Variants in FEM1A observed in about 807,000 individuals in gnomAD.
FEM1A encodes protein fem-1 homolog A.
FEM1A carries 1 observed loss-of-function variant against 0.7 expected under a neutral mutation model. The observed-to-expected ratio is 1.35, with a 90% confidence interval of 0.48 to 6.40. The LOEUF is 6.40. Ranked by LOEUF, FEM1A falls within the 30% of genes most tolerant of loss-of-function variation. The probability of loss-of-function intolerance (pLI) is 0.14; values close to 1 mark genes in which losing one functional copy is unlikely to be tolerated. For synonymous variants in FEM1A, 391 were observed against 420.6 expected (o/e 0.93, Z 0.86); for missense variants, 721 against 918.7 (o/e 0.78, Z 2.78).
At position 4,794,289 on chromosome 19, in the gene FEM1A, C is replaced by G; in HGVS notation, c.*425C>G. Reference sequence around the variant, plus strand: ...CTTTACCTGGCCAGATAACTCCAGCCGCTGAATACAGTGTTAGGACTGGGG... The same window carrying G: ...CTTTACCTGGCCAGATAACTCCAGCGGCTGAATACAGTGTTAGGACTGGGG... On this transcript the variant is annotated 3_prime_UTR_variant, in exon 1 of 1. Coordinates refer to ENST00000269856, the MANE Select transcript of FEM1A (RefSeq NM_018708.3). 1 of 225,970 alleles carries G rather than the reference C, an allele frequency of 4.4e-6. No homozygotes were observed. The highest frequency in any genetic ancestry group is 7.2e-5 in the South Asian group (1 of 13,966). The allele number at this position is 225,970 out of a possible 1,614,324, so 14.0% of individuals were successfully genotyped here.
rs1358229357 is a variant in FEM1A at position 4,800,598 on chromosome 19, A to G, written c.*6734A>G. Reference sequence around the variant, plus strand: ...CTGTCCCACGCCAGGTGGCCTGTAAATATGGGCTGAGCAAGCGAACAGTGA... The same window carrying G: ...CTGTCCCACGCCAGGTGGCCTGTAAGTATGGGCTGAGCAAGCGAACAGTGA... On this transcript the variant is annotated 3_prime_UTR_variant, in exon 1 of 1. Coordinates refer to ENST00000269856, the MANE Select transcript of FEM1A (RefSeq NM_018708.3). The G allele has an allele frequency of 2.6e-5, 4 of 152,372 alleles. No homozygotes were observed. The highest frequency in any genetic ancestry group is 4.4e-5 in the Non-Finnish European group (3 of 68,188). The allele number at this position is 152,372 out of a possible 1,614,324, so 9.4% of individuals were successfully genotyped here. A position where few individuals can be genotyped will look rare whatever the true frequency, so the allele number is the denominator to read the frequency against.
Position 4,794,218 on chromosome 19 carries a change from C to T in FEM1A, c.*354C>T, listed in dbSNP as rs1413649852. 5 of 283,194 alleles carry T rather than the reference C, an allele frequency of 1.8e-5. No homozygotes were observed. Among genetic ancestry groups the T allele is most frequent in the Non-Finnish European group, 2.9e-5 (4 of 137,264 alleles). The allele number at this position is 283,194 out of a possible 1,614,324, so 17.5% of individuals were successfully genotyped here. A position where few individuals can be genotyped will look rare whatever the true frequency, so the allele number is the denominator to read the frequency against. On this transcript the variant is annotated 3_prime_UTR_variant, in exon 1 of 1. Transcript: ENST00000269856. ...CTGAAGCCATTGCGTTCCTTCCCTG[C>T]TAGAAACACAGGAAGAAGTTGAGGA...
At position 4,792,721 on chromosome 19, in the gene FEM1A, C is replaced by G; in HGVS notation, c.867C>G (p.Cys289Trp). The G allele has an allele frequency of 6.2e-7, 1 of 1,612,076 alleles. No individual in the cohort carries two copies. The highest frequency in any genetic ancestry group is 2.2e-4 in the Middle Eastern group (1 of 4,470). Residue 289 changes from cysteine (C) to tryptophan (W), a missense_variant, in exon 1 of 1, where the codon TGC becomes TGG. Coordinates refer to ENST00000269856, the MANE Select transcript of FEM1A (RefSeq NM_018708.3). The surrounding 1 kb of genome is among the most constrained non-coding windows in gnomAD (Gnocchi z 6.7). ...EPLNGESYES[C>W]CPTSREAAVE... ...TGAACGGGGAATCTTACGAAAGCTG[C>G]TGTCCCACCAGCCGGGAAGCTGCCG... is the stretch of plus-strand genomic sequence containing the variant.
rs1174881082 is a variant in FEM1A at position 4,793,946 on chromosome 19, G to A, written c.*82G>A. 9.4e-6 allele frequency: 13 copies of A among 1,376,756 alleles called. No homozygotes were observed. The highest frequency in any genetic ancestry group is 7.3e-5 in the African/African-American group (5 of 68,958). 85.3% of individuals were successfully genotyped at this position (1,376,756 alleles called of 1,614,324 possible). ...TCCGGCTGCGGCATAGCAGATGCTC[G>A]TTCTTGCCTCCTTCAGGCACCAATC... On this transcript the variant is annotated 3_prime_UTR_variant, in exon 1 of 1. Transcript: ENST00000269856. The surrounding 1 kb of genome is among the most constrained non-coding windows in gnomAD (Gnocchi z 5.1).
At position 4,798,586 on chromosome 19, in the gene FEM1A, G is replaced by C. The variant is rs2093564445; in HGVS notation, c.*4722G>C. ...GATCGCACCACTGCACTCCAGCCTG[G>C]GCGACAGAGCACAAGACTCCATCTC... On this transcript the variant is annotated 3_prime_UTR_variant, in exon 1 of 1. Transcript: ENST00000269856. 2 of 151,606 alleles carry C rather than the reference G, an allele frequency of 1.3e-5. No individual in the cohort carries two copies. Among genetic ancestry groups the C allele is most frequent in the South Asian group, 2.1e-4 (1 of 4,800 alleles). The allele number at this position is 151,606 out of a possible 1,614,324, so 9.4% of individuals were successfully genotyped here. A position where few individuals can be genotyped will look rare whatever the true frequency, so the allele number is the denominator to read the frequency against.
rs1378987556 is a variant in FEM1A, at chr19:4,793,414, G to A, written c.1560G>A (p.Gln520=). 2.5e-6 allele frequency: 4 copies of A among 1,612,162 alleles called. No individual in the cohort carries two copies. Among genetic ancestry groups the A allele is most frequent in the Non-Finnish European group, 3.4e-6 (4 of 1,179,850 alleles). ...CTPSQEHLKH[Q]TVYRLLKCAP... is the part of the protein sequence containing the mutation. ...CCAGCCAGGAGCACCTGAAGCACCA[G>A]ACCGTCTACCGCCTGCTCAAGTGCG... is the stretch of plus-strand genomic sequence containing the variant. Residue 520 remains glutamine (Q), a synonymous_variant, in exon 1 of 1, where the codon CAG becomes CAA. Transcript: ENST00000269856. This position sits in a 1 kb window ranked among gnomAD's most constrained non-coding sequence, Gnocchi z 5.1.
chr19:4,799,931 A>AAAAAAAAAAAAAAAAC lies in FEM1A; in HGVS notation c.*6069_*6070insAAAAAAAAAAAAACAA, dbSNP rs2093566517. 6.9e-6 allele frequency: 1 copy of AAAAAAAAAAAAAAAAC among 145,526 alleles called. No individual in the cohort carries two copies. The highest frequency in any genetic ancestry group is 1.5e-5 in the Non-Finnish European group (1 of 66,652). The allele number at this position is 145,526 out of a possible 1,614,324, so 9.0% of individuals were successfully genotyped here. A position where few individuals can be genotyped will look rare whatever the true frequency, so the allele number is the denominator to read the frequency against. On this transcript the variant is annotated 3_prime_UTR_variant, in exon 1 of 1. Coordinates refer to ENST00000269856, the MANE Select transcript of FEM1A (RefSeq NM_018708.3). ...AAAAAAAAAAAAAAAAAAAAAAAAA[A>AAAAAAAAAAAAAAAAC]AATGGGGCCATCAATGCCATGGAGG...
Position 4,799,718 on chromosome 19 carries a change from A to G in FEM1A, c.*5854A>G, listed in dbSNP as rs2093565924. The G allele has an allele frequency of 6.6e-6, 1 of 152,010 alleles. No homozygotes were observed. The highest frequency in any genetic ancestry group is 2.4e-5 in the African/African-American group (1 of 41,472). The allele number at this position is 152,010 out of a possible 1,614,324, so 9.4% of individuals were successfully genotyped here. On this transcript the variant is annotated 3_prime_UTR_variant, in exon 1 of 1. Coordinates refer to ENST00000269856, the MANE Select transcript of FEM1A (RefSeq NM_018708.3). ...TCAGGAGATCAAGACCATCCTGGCT[A>G]ACACGGTGAAACCCCGTCTCTACTA...
Position 4,795,622 on chromosome 19 carries a change from C to T in FEM1A, c.*1758C>T, listed in dbSNP as rs1322199008. 1 of 166,670 alleles carries T rather than the reference C, an allele frequency of 6.0e-6. No homozygotes were observed. Among genetic ancestry groups the T allele is most frequent in the African/African-American group, 2.4e-5 (1 of 41,348 alleles). 10.3% of individuals were successfully genotyped at this position (166,670 alleles called of 1,614,324 possible). The stretch of plus-strand genomic sequence containing the variant: ...GGAAGTCGGAGGTGGGTGAGTCAGT[C>T]CATGGCATTGGTGTGAGTGAACAGA... On this transcript the variant is annotated 3_prime_UTR_variant, in exon 1 of 1. Coordinates refer to ENST00000269856, the MANE Select transcript of FEM1A (RefSeq NM_018708.3).
At position 4,792,686 on chromosome 19, in the gene FEM1A, G is replaced by A. The variant is rs754298414; in HGVS notation, c.832G>A (p.Glu278Lys). 46 of 1,612,076 alleles carry A rather than the reference G, an allele frequency of 2.9e-5. No individual in the cohort carries two copies. In the East Asian group the frequency reaches 1.0e-3, roughly 36 times the overall value. The change falls in exon 1 of 1, where the codon GAG (glutamate) becomes AAG (lysine). Residue 278 changes from glutamate (E) to lysine (K), a missense_variant. Coordinates refer to ENST00000269856, the MANE Select transcript of FEM1A (RefSeq NM_018708.3). The surrounding 1 kb of genome is among the most constrained non-coding windows in gnomAD (Gnocchi z 6.7). ...QGAPCCSSSP[E>K]EPLNGESYES... Reference sequence around the variant, plus strand: ...GGCTCCGTGCTGCAGCTCCTCCCCAGAGGAACCACTGAACGGGGAATCTTA... The same window carrying A: ...GGCTCCGTGCTGCAGCTCCTCCCCAAAGGAACCACTGAACGGGGAATCTTA...
Position 4,792,538 on chromosome 19 carries a change from C to T in FEM1A, c.684C>T (p.Thr228=). The T allele has an allele frequency of 6.2e-7, 1 of 1,602,170 alleles. No homozygotes were observed. The highest frequency in any genetic ancestry group is 8.5e-7 in the Non-Finnish European group (1 of 1,179,714). The change falls in exon 1 of 1, where the codon ACC becomes ACT. Residue 228 remains threonine, a synonymous_variant. Transcript: ENST00000269856. The surrounding 1 kb of genome is among the most constrained non-coding windows in gnomAD (Gnocchi z 6.7). ...PLLAASVTGH[T]NIVEYLIQEQ... ...TCGCGGCCAGCGTGACGGGCCACAC[C>T]AACATCGTGGAGTACCTCATCCAGG...
rs890309768 is a variant in FEM1A, at chr19:4,796,562, T to G, written c.*2698T>G. 5 of 152,300 alleles carry G rather than the reference T, an allele frequency of 3.3e-5. No homozygotes were observed. The highest frequency in any genetic ancestry group is 1.2e-4 in the African/African-American group (5 of 41,546). 9.4% of individuals were successfully genotyped at this position (152,300 alleles called of 1,614,324 possible). ...ACTTGTTCCATTCTAAAATTCTGGTTTTCTCCATATCAGAACAGTCAAACC... is the reference window on the plus strand; with the variant it reads ...ACTTGTTCCATTCTAAAATTCTGGTGTTCTCCATATCAGAACAGTCAAACC... On this transcript the variant is annotated 3_prime_UTR_variant, in exon 1 of 1. Coordinates refer to ENST00000269856, the MANE Select transcript of FEM1A (RefSeq NM_018708.3).
chr19:4,793,363 C>T lies in FEM1A; in HGVS notation c.1509C>T (p.Tyr503=). The T allele has an allele frequency of 1.2e-6, 2 of 1,612,380 alleles. No homozygotes were observed. Among genetic ancestry groups the T allele is most frequent in the South Asian group, 1.1e-5 (1 of 91,030 alleles). ...TGGCCATCATCCTCCACCTGCTCTA[C>T]CTGCTGGAGAAAGTGGAGTGCACCC... is the stretch of plus-strand genomic sequence containing the variant. ...KALAIILHLL[Y]LLEKVECTPS... Residue 503 remains tyrosine, a synonymous_variant, in exon 1 of 1, where the codon TAC becomes TAT. Transcript: ENST00000269856. This position sits in a 1 kb window ranked among gnomAD's most constrained non-coding sequence, Gnocchi z 5.1.
Position 4,799,617 on chromosome 19 carries a change from G to C in FEM1A, c.*5753G>C, listed in dbSNP as rs1280263255. 1 of 151,774 alleles carries C rather than the reference G, an allele frequency of 6.6e-6. No individual in the cohort carries two copies. Among genetic ancestry groups the C allele is most frequent in the Non-Finnish European group, 1.5e-5 (1 of 68,084 alleles). 9.4% of individuals were successfully genotyped at this position (151,774 alleles called of 1,614,324 possible). A position where few individuals can be genotyped will look rare whatever the true frequency, so the allele number is the denominator to read the frequency against. On this transcript the variant is annotated 3_prime_UTR_variant, in exon 1 of 1. Coordinates refer to ENST00000269856, the MANE Select transcript of FEM1A (RefSeq NM_018708.3). ...TGTAACTGGAGTTGCTGTAAAATGG[G>C]GCCATCTGGCTGGGTGCGGTGGCTC...
rs1889624860 is a variant in FEM1A at position 4,795,361 on chromosome 19, A to C, written c.*1497A>C. ...CAGAAATATCCTGTCCCTGGATGGA[A>C]ACTAGGTCTCGTTTGGATTTTTTTT... On this transcript the variant is annotated 3_prime_UTR_variant, in exon 1 of 1. Transcript: ENST00000269856. The C allele has an allele frequency of 6.2e-6, 1 of 162,400 alleles. No homozygotes were observed. The highest frequency in any genetic ancestry group is 2.1e-4 in the South Asian group (1 of 4,664). The allele number at this position is 162,400 out of a possible 1,614,324, so 10.1% of individuals were successfully genotyped here.
Position 4,794,168 on chromosome 19 carries a change from G to A in FEM1A, c.*304G>A. ...GTCTGCCTGGGTTAGGGAGGCCTTT[G>A]CCTTGTTACCTAGAGGCGGAGGGAC... is the stretch of plus-strand genomic sequence containing the variant. On this transcript the variant is annotated 3_prime_UTR_variant, in exon 1 of 1. Transcript: ENST00000269856. 2 of 385,412 alleles carry A rather than the reference G, an allele frequency of 5.2e-6. No individual in the cohort carries two copies. The highest frequency in any genetic ancestry group is 6.1e-5 in the South Asian group (2 of 32,592). The allele number at this position is 385,412 out of a possible 1,614,324, so 23.9% of individuals were successfully genotyped here.
rs752459773 is a variant in FEM1A, at chr19:4,792,226, C to A, written c.372C>A (p.Cys124Ter). ...RTNSTPLRAA[C>*]FDGHLEVVRY... ...ACTCCACGCCTCTCCGCGCCGCCTG[C>A]TTCGACGGCCACCTGGAGGTGGTGC... The change falls in exon 1 of 1, where the codon TGC becomes TGA. Residue 124 changes from cysteine (C) to a stop codon, truncating the protein, a stop_gained. Coordinates refer to ENST00000269856, the MANE Select transcript of FEM1A (RefSeq NM_018708.3). LOFTEE classifies it low-confidence loss of function (END_TRUNC). This position sits in a 1 kb window ranked among gnomAD's most constrained non-coding sequence, Gnocchi z 6.7. The A allele has an allele frequency of 1.9e-5, 28 of 1,506,862 alleles. No individual in the cohort carries two copies. In the South Asian group the frequency reaches 3.4e-4, roughly 19 times the overall value. 93.3% of individuals were successfully genotyped at this position (1,506,862 alleles called of 1,614,324 possible).
In FEM1A at chr19:4,792,111, C is replaced by T; in HGVS notation, c.257C>T (p.Pro86Leu). The change falls in exon 1 of 1, where the codon CCG becomes CTG. Residue 86 changes from proline (P) to leucine (L), a missense_variant. Pro to Leu is a moderately conservative substitution (Grantham distance 98, BLOSUM62 -3). Transcript: ENST00000269856. This position sits in a 1 kb window ranked among gnomAD's most constrained non-coding sequence, Gnocchi z 6.7. ...FDGETIEGAP[P>L]LWAASAAGHL... is the part of the protein sequence containing the mutation. Reference sequence around the variant, plus strand: ...GGCGAGACCATCGAGGGCGCGCCGCCGCTGTGGGCCGCCTCCGCAGCCGGC... The same window carrying T: ...GGCGAGACCATCGAGGGCGCGCCGCTGCTGTGGGCCGCCTCCGCAGCCGGC... The T allele has an allele frequency of 6.6e-7, 1 of 1,522,572 alleles. No homozygotes were observed. Among genetic ancestry groups the T allele is most frequent in the Admixed American group, 2.0e-5 (1 of 50,266 alleles). The allele number at this position is 1,522,572 out of a possible 1,614,324, so 94.3% of individuals were successfully genotyped here.
At position 4,800,198 on chromosome 19, in the gene FEM1A, G is replaced by A. The variant is rs1258144026; in HGVS notation, c.*6334G>A. On this transcript the variant is annotated 3_prime_UTR_variant, in exon 1 of 1. Transcript: ENST00000269856. ...AAAGTAGGAAAAACAGCCCTCTTAA[G>A]AGGAAGGCCATCTTAAAGCTCTACC... 2 of 152,282 alleles carry A rather than the reference G, an allele frequency of 1.3e-5. No homozygotes were observed. Among genetic ancestry groups the A allele is most frequent in the Non-Finnish European group, 2.9e-5 (2 of 68,112 alleles). The allele number at this position is 152,282 out of a possible 1,614,324, so 9.4% of individuals were successfully genotyped here. A position where few individuals can be genotyped will look rare whatever the true frequency, so the allele number is the denominator to read the frequency against.
Sources: gnomAD v4.1 joint callset for allele counts on GRCh38, gnomAD v4.1.1 for gene constraint, Gnocchi (gnomAD v3.1) non-coding constraint, MANE v1.5 for transcripts, NCBI Gene and HGNC (gene_info 2026-07-23, HGNC 2026-07-21) for gene names.